Variants in ATP4A observed in about 807,000 individuals in gnomAD.
The protein encoded by ATP4A is potassium-transporting ATPase alpha chain 1.
A neutral mutation model predicts 112.1 loss-of-function variants in ATP4A; 73 were observed. The observed-to-expected ratio is 0.65, with a 90% CI of 0.54 to 0.79. The LOEUF is 0.79. Ranked by LOEUF, ATP4A falls within the 30% of genes least tolerant of loss-of-function variation. The pLI, the probability that ATP4A is intolerant of heterozygous loss-of-function variation, is 0.00. For missense variants in ATP4A, 1,081 were observed against 1,425.9 expected (o/e 0.76, Z 3.90); for synonymous variants, 588 against 588.9 (o/e 1.00, Z 0.02).
Position 35,559,062 on chromosome 19 carries a change from G to A in ATP4A, c.1186C>T (p.Arg396Cys). Residue 396 changes from arginine to cysteine, a missense_variant, in exon 8 of 22, where the codon CGC becomes TGC. Coordinates refer to ENST00000262623, the MANE Select transcript of ATP4A (RefSeq NM_000704.3). The surrounding 1 kb of genome is among the most constrained non-coding windows in gnomAD (Gnocchi z 4.1). ...AACCACAGATGGGACACAGTCATGC[G>A]GTTCTGAGTGAGAGTCCCTGTCTTG... ...SDKTGTLTQN[R>C]MTVSHLWFDN... is the part of the protein sequence containing the mutation. The A allele has an allele frequency of 6.2e-7, 1 of 1,614,212 alleles. No individual in the cohort carries two copies. Among genetic ancestry groups the A allele is most frequent in the East Asian group, 2.2e-5 (1 of 44,878 alleles).
In ATP4A at chr19:35,551,383, G is replaced by C; in HGVS notation, c.2885+64C>G. 1 of 1,611,382 alleles carries C rather than the reference G, an allele frequency of 6.2e-7. No individual in the cohort carries two copies. Among genetic ancestry groups the C allele is most frequent in the East Asian group, 2.2e-5 (1 of 44,842 alleles). On this transcript the variant is annotated intron_variant, in intron 19 of 21. Transcript: ENST00000262623. This position sits in a 1 kb window ranked among gnomAD's most constrained non-coding sequence, Gnocchi z 5.2. ...CATTTGCCGGCTGTTCTAAACCACA[G>C]TCAGGATCTGATGGGAGTTGGGACC... is the stretch of plus-strand genomic sequence containing the variant.
chr19:35,552,081 C>G (rs2071605360), intron 18 of ATP4A, among the ~76,000 whole-genome samples: 1 of 152,158 alleles, frequency 6.6e-6, no homozygotes, highest in Non-Finnish European at 1.5e-5. Context: ...GAATCTCGCT[C>G]TGTCACCCAG....
rs913562576 is a variant in ATP4A, at chr19:35,558,430, C to G, written c.1432G>C (p.Ala478Pro). Residue 478 changes from alanine (A) to proline (P), a missense_variant, in exon 10 of 22, where the codon GCC becomes CCC. This residue lies in a region of ATP4A where 850 missense variants were observed against 1,068.2 expected (regional missense o/e 0.80). Transcript: ENST00000262623. This position sits in a 1 kb window ranked among gnomAD's most constrained non-coding sequence, Gnocchi z 5.1. Reference protein sequence around the residue: ...LKFSELTLGNAMGYRDRFPKV... With the variant: ...LKFSELTLGNPMGYRDRFPKV... ...GGGAAGCGGTCCCGGTAGCCCATGG[C>G]GTTGCCCAGCGTCAGCTCCGAGAAC... The G allele has an allele frequency of 1.9e-6, 3 of 1,607,196 alleles. No individual in the cohort carries two copies. The highest frequency in any genetic ancestry group is 2.5e-6 in the Non-Finnish European group (3 of 1,177,276).
rs1027428745 is a variant in ATP4A at position 35,561,545 on chromosome 19, G to A, written c.421-613C>T. ...GTCTCCCATGTCTGTGTATCTCCGA[G>A]TTCCCATCCTGTGTCCCATGGCCAT... On this transcript the variant is annotated intron_variant, in intron 4 of 21. Coordinates refer to ENST00000262623, the MANE Select transcript of ATP4A (RefSeq NM_000704.3). 2.6e-5 allele frequency among the ~76,000 whole-genome samples: 4 copies of A among 151,844 alleles called. No homozygotes were observed. The South Asian group carries it at 8.3e-4, about 32-fold the overall frequency.
In ATP4A at chr19:35,560,769, G is replaced by A; in HGVS notation, c.534+50C>T. On this transcript the variant is annotated intron_variant, in intron 5 of 21. Coordinates refer to ENST00000262623, the MANE Select transcript of ATP4A (RefSeq NM_000704.3). The surrounding 1 kb of genome is among the most constrained non-coding windows in gnomAD (Gnocchi z 5.1). Reference sequence around the variant, plus strand: ...GGCCTGATGGAAGGAGGCTACAGGAGCAGTTTGGAGTCTCTGGGATCTGGA... The same window carrying A: ...GGCCTGATGGAAGGAGGCTACAGGAACAGTTTGGAGTCTCTGGGATCTGGA... 6.3e-7 allele frequency: 1 copy of A among 1,594,512 alleles called. No homozygotes were observed. Among genetic ancestry groups the A allele is most frequent in the Non-Finnish European group, 8.6e-7 (1 of 1,162,236 alleles).
chr19:35,557,865 A>T lies in ATP4A; in HGVS notation c.1501-18T>A. 3.7e-6 allele frequency: 4 copies of T among 1,084,530 alleles called. No individual in the cohort carries two copies. The highest frequency in any genetic ancestry group is 4.5e-6 in the Non-Finnish European group (4 of 883,976). The allele number at this position is 1,084,530 out of a possible 1,614,324, so 67.2% of individuals were successfully genotyped here. A position where few individuals can be genotyped will look rare whatever the true frequency, so the allele number is the denominator to read the frequency against. ...ATGGACAGCTGTGGGCGGGGGGGAG[A>T]GGCGAGGCTGTGGACGGGGGAACGG... On this transcript the variant is annotated intron_variant, in intron 10 of 21. Coordinates refer to ENST00000262623, the MANE Select transcript of ATP4A (RefSeq NM_000704.3). The surrounding 1 kb of genome is among the most constrained non-coding windows in gnomAD (Gnocchi z 4.4).
chr19:35,553,242 A>G lies in ATP4A; in HGVS notation c.2606-60T>C, dbSNP rs138964217. The G allele has an allele frequency of 6.5e-5, 100 of 1,541,726 alleles. No homozygotes were observed. In the African/African-American group the frequency reaches 1.3e-3, roughly 20 times the overall value. Reference sequence around the variant, plus strand: ...ATGGACACAGAGACAGGGACACAGGAAGAGAGGGACATGGAGAGACAGGGA... The same window carrying G: ...ATGGACACAGAGACAGGGACACAGGGAGAGAGGGACATGGAGAGACAGGGA... On this transcript the variant is annotated intron_variant, in intron 17 of 21. Transcript: ENST00000262623.
At position 35,557,831 on chromosome 19, in the gene ATP4A, A is replaced by G; in HGVS notation, c.1517T>C (p.Leu506Pro). ...TNKFQLSIHTLEDPRDPRHLL... is the reference protein window; with the variant it reads ...TNKFQLSIHTPEDPRDPRHLL... ...GTGTCGCGGGTCCCGCGGGTCCTCCAGCGTATGGATGGACAGCTGTGGGCG... is the reference window on the plus strand; with the variant it reads ...GTGTCGCGGGTCCCGCGGGTCCTCCGGCGTATGGATGGACAGCTGTGGGCG... Residue 506 changes from leucine to proline, a missense_variant, in exon 11 of 22, where the codon CTG becomes CCG. By Grantham distance (98) the Leu-to-Pro change is moderately conservative. This residue lies in a region of ATP4A where 850 missense variants were observed against 1,068.2 expected (regional missense o/e 0.80). Transcript: ENST00000262623. The surrounding 1 kb of genome is among the most constrained non-coding windows in gnomAD (Gnocchi z 4.4). The G allele has an allele frequency of 6.7e-7, 1 of 1,494,694 alleles. No individual in the cohort carries two copies. The highest frequency in any genetic ancestry group is 9.0e-7 in the Non-Finnish European group (1 of 1,112,064). The allele number at this position is 1,494,694 out of a possible 1,614,324, so 92.6% of individuals were successfully genotyped here. A position where few individuals can be genotyped will look rare whatever the true frequency, so the allele number is the denominator to read the frequency against.
chr19:35,561,012 C>T (rs2071667885), intron 4 of ATP4A, 80 bp from the exon 5 acceptor site: 3 of 1,240,180 alleles, frequency 2.4e-6, no homozygotes, highest in Non-Finnish European at 3.5e-6. Context: ...TCCCTGGTGC[C>T]CTGGTTTTCT....
Position 35,554,981 on chromosome 19 carries a change from T to A in ATP4A, c.2422A>T (p.Ser808Cys), listed in dbSNP as rs2071622016. ...LTPYLIYITVSVPLPLGCITI... is the reference protein window; with the variant it reads ...LTPYLIYITVCVPLPLGCITI... ...ATGCACCCGAGGGGCAGGGGCACGCTGACGGTGATGTAGATGAGGTAGGGT... is the reference window on the plus strand; with the variant it reads ...ATGCACCCGAGGGGCAGGGGCACGCAGACGGTGATGTAGATGAGGTAGGGT... Residue 808 changes from serine to cysteine, a missense_variant, in exon 16 of 22, where the codon AGC becomes TGC. Physicochemically the swap from Ser to Cys is moderately radical, Grantham distance 112. Transcript: ENST00000262623. 1 of 1,614,200 alleles carries A rather than the reference T, an allele frequency of 6.2e-7. No individual in the cohort carries two copies. The highest frequency in any genetic ancestry group is 8.5e-7 in the Non-Finnish European group (1 of 1,180,032).
chr19:35,563,444 C>T lies in ATP4A; in HGVS notation c.96G>A (p.Ala32=), dbSNP rs750542720. 1.9e-5 allele frequency: 30 copies of T among 1,613,934 alleles called. No individual in the cohort carries two copies. Among genetic ancestry groups the T allele is most frequent in the East Asian group, 4.5e-5 (2 of 44,876 alleles). ...MAAKMSKKKK[A]GGGGGKRKEK... is the part of the protein sequence containing the mutation. Reference sequence around the variant, plus strand: ...CCTTCCTCTTGCCACCCCCGCCACCCGCCTTCTTCTTCTTGCTCATCTTGG... The same window carrying T: ...CCTTCCTCTTGCCACCCCCGCCACCTGCCTTCTTCTTCTTGCTCATCTTGG... The change falls in exon 2 of 22, where the codon GCG becomes GCA. Residue 32 remains alanine, a synonymous_variant. Coordinates refer to ENST00000262623, the MANE Select transcript of ATP4A (RefSeq NM_000704.3).
At chr19:35,563,188 C>G in intron 3 of ATP4A, 21 bp downstream of exon 3, 1 of 1,612,994 alleles carries the variant, frequency 6.2e-7, no homozygotes, top group Non-Finnish European at 8.5e-7. Flanking sequence ...CCTTTCTGTA[C>G]GCTCCCAGTC....
At chr19:35,556,474 G>A (rs564091292) in intron 12 of ATP4A, among the ~76,000 whole-genome samples, 2 of 152,164 alleles carry the variant, frequency 1.3e-5, no homozygotes, top group Non-Finnish European at 2.9e-5. Flanking sequence ...GCTAAGATTG[G>A]GTAAGTAAGC....
chr19:35,562,967 TCTCTCC>T (rs1243215829), intron 3 of ATP4A, among the ~76,000 whole-genome samples: 1 of 150,496 alleles, frequency 6.6e-6, no homozygotes, highest in Non-Finnish European at 1.5e-5. Context: ...CTTTCTCCCT[TCTCTCC>T]CTCTCCCTCT....
Position 35,550,626 on chromosome 19 carries a change from G to A in ATP4A, c.3097C>T (p.Leu1033Phe). 1 of 1,613,876 alleles carries A rather than the reference G, an allele frequency of 6.2e-7. No homozygotes were observed. Among genetic ancestry groups the A allele is most frequent in the Non-Finnish European group, 8.5e-7 (1 of 1,179,870 alleles). Residue 1033 changes from leucine to phenylalanine, a missense_variant, in exon 22 of 22, where the codon CTC becomes TTC. Leu to Phe is a conservative substitution (Grantham distance 22, BLOSUM62 0). This residue lies in a region of ATP4A where 219 missense variants were observed against 320.9 expected (regional missense o/e 0.68). Coordinates refer to ENST00000262623, the MANE Select transcript of ATP4A (RefSeq NM_000704.3). This position sits in a 1 kb window ranked among gnomAD's most constrained non-coding sequence, Gnocchi z 4.1. ...AGGCAGTCGTCCCTCTAATAGTAGAGTTCCTGGTCCCACCAGCCTGGGAGA... is the reference window on the plus strand; with the variant it reads ...AGGCAGTCGTCCCTCTAATAGTAGAATTCCTGGTCCCACCAGCCTGGGAGA... ...CCPGSWWDQELYY is the reference protein window; with the variant it reads ...CCPGSWWDQEFYY
intron 4 of ATP4A, among the ~76,000 whole-genome samples, chr19:35,561,367 A>G (rs2071669761): frequency 1.3e-5 from 2 of 151,114 alleles, no homozygotes; most frequent in Non-Finnish European, 1.5e-5. Flanking sequence ...GTTTTCCATA[A>G]TCTGCTGCCA....
At position 35,555,382 on chromosome 19, in the gene ATP4A, G is replaced by A. The variant is rs781358971; in HGVS notation, c.2158-48C>T. On this transcript the variant is annotated intron_variant, in intron 14 of 21. Transcript: ENST00000262623. The surrounding 1 kb of genome is among the most constrained non-coding windows in gnomAD (Gnocchi z 6.6). ...GTGGGTGGGTGGTCAGTGAGAGGCCGGTCCAAGACCAGCCCCGCCTGTCTG... is the reference window on the plus strand; with the variant it reads ...GTGGGTGGGTGGTCAGTGAGAGGCCAGTCCAAGACCAGCCCCGCCTGTCTG... 4.4e-6 allele frequency: 7 copies of A among 1,594,608 alleles called. No homozygotes were observed. The highest frequency in any genetic ancestry group is 3.4e-5 in the Admixed American group (2 of 59,130).
chr19:35,559,285 G>T lies in ATP4A; in HGVS notation c.1057-94C>A. On this transcript the variant is annotated intron_variant, in intron 7 of 21. Coordinates refer to ENST00000262623, the MANE Select transcript of ATP4A (RefSeq NM_000704.3). This position sits in a 1 kb window ranked among gnomAD's most constrained non-coding sequence, Gnocchi z 4.1. The stretch of plus-strand genomic sequence containing the variant: ...GAACGGGGAAGGCTTTACCCCAGCC[G>T]CGGGGCTGCGTGTGCAACGTGCTTC... 3 of 1,347,188 alleles carry T rather than the reference G, an allele frequency of 2.2e-6. No individual in the cohort carries two copies. In the South Asian group the frequency reaches 3.7e-5, roughly 17 times the overall value. The allele number at this position is 1,347,188 out of a possible 1,614,324, so 83.5% of individuals were successfully genotyped here.
In ATP4A at chr19:35,558,376, T is replaced by A. The variant is rs150040599; in HGVS notation, c.1486A>T (p.Thr496Ser). 1.2e-6 allele frequency: 2 copies of A among 1,610,770 alleles called. No homozygotes were observed. Among genetic ancestry groups the A allele is most frequent in the Admixed American group, 1.7e-5 (1 of 59,498 alleles). Reference protein sequence around the residue: ...PKVCEIPFNSTNKFQLSIHTL... With the variant: ...PKVCEIPFNSSNKFQLSIHTL... ...CGGCTGCGCACCTGGAACTTGTTGG[T>A]GGAGTTGAAGGGTATCTCGCAGACT... The change falls in exon 10 of 22, where the codon ACC becomes TCC. Residue 496 changes from threonine to serine, a missense_variant. Around this residue, in one of 3 missense-constraint regions of ATP4A, gnomAD observed 850 missense variants for 1,068.2 expected, o/e 0.80. Coordinates refer to ENST00000262623, the MANE Select transcript of ATP4A (RefSeq NM_000704.3). The surrounding 1 kb of genome is among the most constrained non-coding windows in gnomAD (Gnocchi z 5.1).
Sources: allele counts gnomAD v4.1 joint callset (sites outside exome capture counted in the v4.1 genomes callset), GRCh38; gene constraint gnomAD v4.1.1; regional missense constraint gnomAD v4.1.1; non-coding constraint Gnocchi (gnomAD v3.1); transcripts MANE v1.5; gene names NCBI Gene and HGNC (gene_info 2026-07-23, HGNC 2026-07-21).